The following CHRM3 variants were observed in gnomAD, a reference collection of about 807,000 sequenced individuals.
CHRM3 encodes the protein muscarinic acetylcholine receptor M3.
A neutral mutation model predicts 41.8 loss-of-function variants in CHRM3; 11 were observed. The ratio of observed to expected loss-of-function variants is 0.26; its 90% CI spans 0.17 to 0.44. CHRM3 has a LOEUF of 0.44. Ranked by LOEUF, CHRM3 falls within the 20% of genes least tolerant of loss-of-function variation. The pLI is 1.00. For synonymous variants in CHRM3, 297 were observed against 301.4 expected, an observed-to-expected ratio of 0.99 and a Z score of 0.15; for missense variants, 571 against 745.4, an observed-to-expected ratio of 0.77 and a Z score of 2.72.
intron 4 of CHRM3, among the ~76,000 whole-genome samples, chr1:239,636,426 A>C (rs1670476038): frequency 6.6e-6 from 1 of 152,208 alleles, no homozygotes; most frequent in South Asian, 2.1e-4. Context: ...CACAGTGACT[A>C]TCCAGAATGG....
intron 5 of CHRM3, among the ~76,000 whole-genome samples, chr1:239,784,164 T>C (rs1668717649): frequency 1.3e-5 from 2 of 152,208 alleles, no homozygotes. Context: ...GATCCCTTTT[T>C]ATCATTGTGC....
At chr1:239,616,206 T>C (rs1255911362) in intron 3 of CHRM3, among the ~76,000 whole-genome samples, 1 of 152,188 alleles carries the variant, frequency 6.6e-6, no homozygotes, top group East Asian at 1.9e-4. Context: ...CTCAGCAAAT[T>C]CGTGTGGTTA....
At chr1:239,764,386 A>G (rs947243985) in intron 5 of CHRM3, among the ~76,000 whole-genome samples, 5 of 152,200 alleles carry the variant, frequency 3.3e-5, no homozygotes, top group Non-Finnish European at 5.9e-5. Context: ...AAAAGAGGAA[A>G]GAATTAGCAT....
chr1:239,757,310 C>T (rs978620122), intron 5 of CHRM3, among the ~76,000 whole-genome samples: 17 of 152,084 alleles, frequency 1.1e-4, no homozygotes, highest in Admixed American at 9.2e-4. Context: ...TGTATTACAT[C>T]TCCATTCCGT....
chr1:239,496,510 A>AGTGTGT (rs71166874), intron 2 of CHRM3, among the ~76,000 whole-genome samples: 18,518 of 144,898 alleles, frequency 0.13, 1,296 homozygotes, highest in Non-Finnish European at 0.16. Flanking sequence ...TAGTAATTCT[A>AGTGTGT]GTGTGTGTGT....
At chr1:239,740,458 G>A (rs1348700210) in intron 5 of CHRM3, among the ~76,000 whole-genome samples, 1 of 151,206 alleles carries the variant, frequency 6.6e-6, no homozygotes, top group African/African-American at 2.4e-5. Context: ...CATTGAGGGT[G>A]GTTTTTTTTT....
intron 5 of CHRM3, among the ~76,000 whole-genome samples, chr1:239,684,574 C>T (rs567443443): frequency 6.6e-6 from 1 of 151,074 alleles, no homozygotes; most frequent in African/African-American, 2.4e-5. Flanking sequence ...GCGCTAGAAC[C>T]TGAGAAGCAG....
At chr1:239,892,553 A>G (rs1392691161) in intron 6 of CHRM3, among the ~76,000 whole-genome samples, 2 of 152,198 alleles carry the variant, frequency 1.3e-5, no homozygotes, top group Non-Finnish European at 2.9e-5. Context: ...ACACAGTTTT[A>G]TGATGTGGGA....
intron 5 of CHRM3, among the ~76,000 whole-genome samples, chr1:239,735,903 G>A (rs1664354342): frequency 1.3e-5 from 2 of 152,128 alleles, no homozygotes; most frequent in Admixed American, 1.3e-4. Flanking sequence ...GTGCCATGAT[G>A]TTTTCTGGCC....
chr1:239,556,693 A>G lies in CHRM3; in HGVS notation c.-313+10944A>G, dbSNP rs527927106. On this transcript the variant is annotated intron_variant, in intron 3 of 6. Coordinates refer to ENST00000676153, the MANE Select transcript of CHRM3 (RefSeq NM_001375978.1). ...GTAATGACAGGGGCCTCCTCAAGTT[A>G]GGAATACATCCACAGCTTCCACACA... 1.7e-4 allele frequency among the ~76,000 whole-genome samples: 26 copies of G among 152,330 alleles called. 1 individual carries two copies. The South Asian group carries it at 5.2e-3, about 30-fold the overall frequency.
intron 6 of CHRM3, among the ~76,000 whole-genome samples, chr1:239,875,684 G>A (rs78321785): frequency 0.083 from 12,615 of 152,188 alleles, 567 homozygotes; most frequent in Non-Finnish European, 0.1. Context: ...AGCCATGGTC[G>A]CTTTGCATTC....
chr1:239,596,331 G>C (rs1022860620), intron 3 of CHRM3, among the ~76,000 whole-genome samples: 1 of 152,088 alleles, frequency 6.6e-6, no homozygotes, highest in Non-Finnish European at 1.5e-5. Flanking sequence ...AAAGCCATAT[G>C]TCCCTAAAAG....
At chr1:239,414,844 A>AT (rs1661374220) in intron 1 of CHRM3, among the ~76,000 whole-genome samples, 1 of 152,226 alleles carries the variant, frequency 6.6e-6, no homozygotes, top group Admixed American at 6.5e-5. Flanking sequence ...AAAAATACCA[A>AT]TATTAGCATT....
intron 6 of CHRM3, among the ~76,000 whole-genome samples, chr1:239,897,209 G>A (rs950651297): frequency 9.2e-5 from 14 of 152,090 alleles, no homozygotes; most frequent in African/African-American, 2.9e-4. Context: ...TTCTATCTGC[G>A]TGCATGAGTT....
intron 2 of CHRM3, among the ~76,000 whole-genome samples, chr1:239,499,243 G>A (rs1282361784): frequency 3.3e-5 from 5 of 152,130 alleles, no homozygotes; most frequent in Non-Finnish European, 7.4e-5. Flanking sequence ...TGCCTTTAAG[G>A]AGGTACAGAG....
At chr1:239,700,177 G>T (rs936560122) in intron 5 of CHRM3, among the ~76,000 whole-genome samples, 1 of 152,096 alleles carries the variant, frequency 6.6e-6, no homozygotes, top group Non-Finnish European at 1.5e-5. Context: ...TTCTATCGAG[G>T]TACCAGTGTT....
In CHRM3 at chr1:239,457,704, C is replaced by T. The variant is rs140516310; in HGVS notation, c.-520-35005C>T. Among the ~76,000 whole-genome samples, 255 of 152,260 alleles carry T rather than the reference C, an allele frequency of 1.7e-3. 1 individual carries two copies. The highest frequency in any genetic ancestry group is 5.9e-3 in the African/African-American group (246 of 41,550). ...AGTTACCTGTCTAGACTGAGGCCAA[C>T]ACACTCATGCTTCAGAGGTGCTCAG... On this transcript the variant is annotated intron_variant, in intron 1 of 6. Transcript: ENST00000676153.
chr1:239,695,405 G>A (rs560834924), intron 5 of CHRM3, among the ~76,000 whole-genome samples: 1 of 152,164 alleles, frequency 6.6e-6, no homozygotes, highest in Admixed American at 6.5e-5. Flanking sequence ...ATTTTATTTT[G>A]TAGATTGTTA....
intron 5 of CHRM3, among the ~76,000 whole-genome samples, chr1:239,793,803 A>ATTGTTTTTTTT (rs1669531599): frequency 2.9e-5 from 2 of 69,494 alleles, no homozygotes; most frequent in Non-Finnish European, 4.9e-5. Flanking sequence ...TGAAATGTGT[A>ATTGTTTTTTTT]TTTTTTTTTT....
Sources: allele counts gnomAD v4.1 joint callset (sites outside exome capture counted in the v4.1 genomes callset), GRCh38; gene constraint gnomAD v4.1.1; transcripts MANE v1.5; gene names NCBI Gene and HGNC (gene_info 2026-07-23, HGNC 2026-07-21).